Variants in RC3H2 observed in about 807,000 individuals in gnomAD.
RC3H2 encodes ring finger and CCCH-type domains 2, also known as roquin-2.
RC3H2 carries 31 observed loss-of-function variants against 133.3 expected under a neutral mutation model. The ratio of observed to expected loss-of-function variants is 0.23; its 90% confidence interval spans 0.17 to 0.31. The LOEUF (loss-of-function observed/expected upper bound fraction) is 0.31. RC3H2 is among the 10% of genes least tolerant of loss of function. The pLI is 1.00. For synonymous variants in RC3H2, 517 were observed against 502.2 expected (o/e 1.03, Z -0.40); for missense variants, 1,175 against 1,437.2 (o/e 0.82, Z 2.95).
intron 3 of RC3H2, among the ~76,000 whole-genome samples, chr9:122,891,538 GTTAA>G (rs1181676143): frequency 1.3e-5 from 2 of 152,132 alleles, no homozygotes; most frequent in Admixed American, 1.3e-4. Flanking sequence ...GGTTAAATTA[GTTAA>G]TTCTTAGTTC....
Position 122,846,221 on chromosome 9 carries a change from T to C in RC3H2, c.*3406A>G, listed in dbSNP as rs1363244263. 1.3e-5 allele frequency: 2 copies of C among 152,244 alleles called. No individual in the cohort carries two copies. Among genetic ancestry groups the C allele is most frequent in the Non-Finnish European group, 2.9e-5 (2 of 68,030 alleles). The allele number at this position is 152,244 out of a possible 1,614,324, so 9.4% of individuals were successfully genotyped here. A position where few individuals can be genotyped will look rare whatever the true frequency, so the allele number is the denominator to read the frequency against. ...CCTCAAATTGAAATCTGAAAGTGAC[T>C]AGATCCATACAAATGGAAAATTTCA... On this transcript the variant is annotated 3_prime_UTR_variant, in exon 21 of 21. Transcript: ENST00000357244.
At chr9:122,884,022 C>T (rs529428592) in intron 4 of RC3H2, among the ~76,000 whole-genome samples, 8 of 151,846 alleles carry the variant, frequency 5.3e-5, no homozygotes, top group East Asian at 1.9e-4. Context: ...AGGCCGGGCG[C>T]GGTGGCTCAC....
chr9:122,866,886 C>T (rs1830704929), intron 9 of RC3H2, among the ~76,000 whole-genome samples: 1 of 150,470 alleles, frequency 6.6e-6, no homozygotes, highest in Non-Finnish European at 1.5e-5. Context: ...ACGTGAGGAG[C>T]CCCTCTGCCT....
At chr9:122,877,353 A>G (rs1488672397) in intron 9 of RC3H2, 118 bp downstream of exon 9, 4 of 755,226 alleles carry the variant, frequency 5.3e-6, no homozygotes, top group South Asian at 3.3e-5. Context: ...GGCATGAGCT[A>G]TGGTGCCCAG....
chr9:122,879,932 CTT>C (rs1831537456), intron 7 of RC3H2, 59 bp from the exon 8 acceptor site: 9 of 1,611,178 alleles, frequency 5.6e-6, no homozygotes, highest in East Asian at 2.2e-5. Flanking sequence ...CAGTAATTCT[CTT>C]GTGTTATTCA....
intron 4 of RC3H2, 94 bp from the exon 5 acceptor site, chr9:122,883,473 G>A: frequency 1.2e-6 from 1 of 837,952 alleles, no homozygotes; most frequent in Non-Finnish European, 1.8e-6. Flanking sequence ...AGTTTATAGT[G>A]GCCCATTACC....
intron 1 of RC3H2, among the ~76,000 whole-genome samples, chr9:122,901,738 C>T (rs1359296011): frequency 5.0e-5 from 7 of 139,508 alleles, no homozygotes; most frequent in South Asian, 2.3e-4. Flanking sequence ...ATTACAAGTG[C>T]GCACCACCAT....
intron 1 of RC3H2, chr9:122,897,923 G>C (rs1832488890): frequency 6.3e-6 from 1 of 159,296 alleles, no homozygotes; most frequent in Admixed American, 6.3e-5. Context: ...TGGACTGCTG[G>C]GCGGTTTTTT....
At chr9:122,871,913 C>T (rs996678905) in intron 9 of RC3H2, among the ~76,000 whole-genome samples, 1 of 152,042 alleles carries the variant, frequency 6.6e-6, no homozygotes, top group African/African-American at 2.4e-5. Flanking sequence ...CTCCATCACC[C>T]AGGCAGGAGT....
chr9:122,865,724 A>C, intron 9 of RC3H2, 67 bp from the exon 10 acceptor site: 1 of 1,332,190 alleles, frequency 7.5e-7, no homozygotes, highest in South Asian at 1.3e-5. Flanking sequence ...AAAAAATGGC[A>C]ATGGGCAATG....
chr9:122,877,388 C>A, intron 9 of RC3H2, 83 bp downstream of exon 9: 1 of 1,081,028 alleles, frequency 9.3e-7, no homozygotes. Context: ...TTTTGAAAGT[C>A]ATCACAAACT....
At position 122,890,536 on chromosome 9, in the gene RC3H2, C is replaced by G. The variant is rs777306835; in HGVS notation, c.359G>C (p.Ser120Thr). The change falls in exon 4 of 21, where the codon AGC (serine) becomes ACC (threonine). Residue 120 changes from serine (S) to threonine (T), a missense_variant. This residue lies in a region of RC3H2 where 121 missense variants were observed against 243.5 expected (regional missense o/e 0.50). Transcript: ENST00000357244. ...KPLSGGKGVA[S>T]LNQSALSRPM... ...ACGGCTCAGTGCACTCTGGTTCAAG[C>G]TAGCTACACCTTTAGGAAAAGGGAA... 4 of 1,604,506 alleles carry G rather than the reference C, an allele frequency of 2.5e-6. No homozygotes were observed. In the Admixed American group the frequency reaches 5.1e-5, roughly 20 times the overall value.
chr9:122,849,078 A>G lies in RC3H2; in HGVS notation c.*549T>C, dbSNP rs903397032. 1 of 152,192 alleles carries G rather than the reference A, an allele frequency of 6.6e-6. No individual in the cohort carries two copies. The highest frequency in any genetic ancestry group is 2.4e-5 in the African/African-American group (1 of 41,452). The allele number at this position is 152,192 out of a possible 1,614,324, so 9.4% of individuals were successfully genotyped here. On this transcript the variant is annotated 3_prime_UTR_variant, in exon 21 of 21. Coordinates refer to ENST00000357244, the MANE Select transcript of RC3H2 (RefSeq NM_001100588.3). ...CTAGTATATAACCCTGTAAAATTCTATGGTAAGAACATCTAACTCCACTCT... is the reference window on the plus strand; with the variant it reads ...CTAGTATATAACCCTGTAAAATTCTGTGGTAAGAACATCTAACTCCACTCT...
chr9:122,849,573 G>A lies in RC3H2; in HGVS notation c.*54C>T, dbSNP rs1182806560. 1.1e-6 allele frequency: 1 copy of A among 890,630 alleles called. No individual in the cohort carries two copies. The highest frequency in any genetic ancestry group is 1.7e-6 in the Non-Finnish European group (1 of 592,792). The allele number at this position is 890,630 out of a possible 1,614,324, so 55.2% of individuals were successfully genotyped here. A position where few individuals can be genotyped will look rare whatever the true frequency, so the allele number is the denominator to read the frequency against. On this transcript the variant is annotated 3_prime_UTR_variant, in exon 21 of 21. Transcript: ENST00000357244. ...ATAATATATATTATATATATAAAAA[G>A]CTAGTGTAAATGCTTCCATGGTGTG...
At chr9:122,899,519 C>T (rs1283450553) in intron 1 of RC3H2, among the ~76,000 whole-genome samples, 1 of 152,174 alleles carries the variant, frequency 6.6e-6, no homozygotes, top group Non-Finnish European at 1.5e-5. Context: ...TATCTAATAT[C>T]GTTATCTTTA....
intron 8 of RC3H2, among the ~76,000 whole-genome samples, chr9:122,878,972 G>T (rs1189326056): frequency 9.4e-5 from 14 of 149,644 alleles, no homozygotes; most frequent in Admixed American, 4.0e-4. Context: ...GGCCAAGCTG[G>T]TCTCGAACTT....
At chr9:122,859,810 G>A (rs1331341415) in intron 11 of RC3H2, 107 bp downstream of exon 11, 5 of 963,522 alleles carry the variant, frequency 5.2e-6, no homozygotes, top group East Asian at 4.8e-5. Context: ...GAGTCACATA[G>A]TCAAAAGGAT....
In RC3H2 at chr9:122,845,539, A is replaced by G. The variant is rs1412251405; in HGVS notation, c.*4088T>C. 1.3e-5 allele frequency: 2 copies of G among 152,180 alleles called. No individual in the cohort carries two copies. Among genetic ancestry groups the G allele is most frequent in the Admixed American group, 1.3e-4 (2 of 15,276 alleles). 9.4% of individuals were successfully genotyped at this position (152,180 alleles called of 1,614,324 possible). On this transcript the variant is annotated 3_prime_UTR_variant, in exon 21 of 21. Coordinates refer to ENST00000357244, the MANE Select transcript of RC3H2 (RefSeq NM_001100588.3). ...GGTTTGGGAATATTTTAAAAATTTT[A>G]TTAAAAAAAAGAAAAAACTGCCAAT...
intron 9 of RC3H2, among the ~76,000 whole-genome samples, chr9:122,871,379 G>A (rs1390333997): frequency 6.6e-6 from 1 of 151,636 alleles, no homozygotes; most frequent in Admixed American, 6.6e-5. Context: ...CTCACTGCAA[G>A]CTCCACCTCC....
Sources: gnomAD v4.1 joint callset for allele counts (sites outside exome capture counted in the v4.1 genomes callset) on GRCh38, gnomAD v4.1.1 for gene constraint, gnomAD v4.1.1 regional missense constraint, MANE v1.5 for transcripts, NCBI Gene and HGNC (gene_info 2026-07-23, HGNC 2026-07-21) for gene names.